Variants in OLFM3 observed in about 807,000 individuals in gnomAD.
OLFM3 encodes olfactomedin 3, also known as noelin-3.
In OLFM3, 20 loss-of-function variants were observed where a neutral mutation model predicts 48.6. The ratio of observed to expected loss-of-function variants is 0.41; its 90% CI spans 0.29 to 0.60. The LOEUF is 0.60. OLFM3 is among the 20% of genes least tolerant of loss of function. The pLI is 0.28. For missense variants in OLFM3, 437 were observed against 544.3 expected, an observed-to-expected ratio of 0.80 and a Z score of 1.96; for synonymous variants, 222 against 198.1, an observed-to-expected ratio of 1.12 and a Z score of -1.01.
chr1:101,968,580 C>T (rs1479715307), intron 1 of OLFM3, among the ~76,000 whole-genome samples: 1 of 149,296 alleles, frequency 6.7e-6, no homozygotes, highest in African/African-American at 2.5e-5. Context: ...TCATGTATCC[C>T]ACAAGTATTC....
chr1:101,808,043 T>A (rs1025386014), intron 4 of OLFM3, among the ~76,000 whole-genome samples: 4 of 151,846 alleles, frequency 2.6e-5, no homozygotes, highest in African/African-American at 9.7e-5. Context: ...ATACATTTTT[T>A]AATCAACTGA....
At chr1:101,818,632 G>T (rs947398949) in intron 4 of OLFM3, among the ~76,000 whole-genome samples, 1 of 151,944 alleles carries the variant, frequency 6.6e-6, no homozygotes, top group African/African-American at 2.4e-5. Context: ...GAGATCTTTC[G>T]TGTCTCTTGC....
intron 1 of OLFM3, among the ~76,000 whole-genome samples, chr1:101,948,511 T>C (rs1243692124): frequency 6.6e-6 from 1 of 151,912 alleles, no homozygotes; most frequent in Non-Finnish European, 1.5e-5. Context: ...GTTTAGGTAA[T>C]TTTTTTTGCC....
intron 1 of OLFM3, among the ~76,000 whole-genome samples, chr1:101,976,325 T>C (rs1209551777): frequency 6.6e-6 from 1 of 152,216 alleles, no homozygotes; most frequent in African/African-American, 2.4e-5. Context: ...TGTATCCAGG[T>C]AGACTGTAGT....
intron 1 of OLFM3, 129 bp from the exon 2 acceptor site, chr1:101,837,154 G>A (rs1655463521): frequency 1.1e-6 from 1 of 921,232 alleles, no homozygotes; most frequent in African/African-American, 1.7e-5. Flanking sequence ...TTTAAAGTTA[G>A]CAGAGAGATA....
rs779620624 is a variant in OLFM3, at chr1:101,836,891, T to G, written c.204A>C (p.Gln68His). Reference sequence around the variant, plus strand: ...ACAGGACACCTACCTTTTCCAGTAGTTGGCGAAGTTGCCTGCTTTTGGCAT... The same window carrying G: ...ACAGGACACCTACCTTTTCCAGTAGGTGGCGAAGTTGCCTGCTTTTGGCAT... The part of the protein sequence containing the change: ...SRDAKSRQLR[Q>H]LLEKVQNMSQ... Residue 68 changes from glutamine (Q) to histidine (H), a missense_variant, in exon 2 of 6, where the codon CAA (glutamine) becomes CAC (histidine). Physicochemically the swap from Gln to His is conservative, Grantham distance 24. Around this residue, in one of 3 missense-constraint regions of OLFM3, gnomAD observed 314 missense variants for 365.5 expected, o/e 0.86. Coordinates refer to ENST00000370103, the MANE Select transcript of OLFM3 (RefSeq NM_058170.4). 6 of 1,614,190 alleles carry G rather than the reference T, an allele frequency of 3.7e-6. No individual in the cohort carries two copies. Among genetic ancestry groups the G allele is most frequent in the Non-Finnish European group, 5.1e-6 (6 of 1,180,024 alleles).
chr1:101,896,681 T>A (rs1321957664), intron 1 of OLFM3, among the ~76,000 whole-genome samples: 1 of 147,118 alleles, frequency 6.8e-6, no homozygotes, highest in Non-Finnish European at 1.5e-5. Flanking sequence ...TTTTTTTTTT[T>A]TTTTTTTTTT....
Position 101,964,682 on chromosome 1 carries a change from C to T in OLFM3, c.69+32066G>A, listed in dbSNP as rs775532875. ...ACCTCACAATCATGAAGAAAGGGAC[C>T]TGGGAATTTTGTTCTTCACTCCTTG... On this transcript the variant is annotated intron_variant, in intron 1 of 5. Coordinates refer to ENST00000370103, the MANE Select transcript of OLFM3 (RefSeq NM_058170.4). Among the ~76,000 whole-genome samples the T allele has an allele frequency of 2.0e-5, 3 of 152,116 alleles. No homozygotes were observed. In the South Asian group the frequency reaches 6.2e-4, roughly 32 times the overall value.
chr1:101,946,029 T>C (rs942776113), intron 1 of OLFM3, among the ~76,000 whole-genome samples: 1 of 152,366 alleles, frequency 6.6e-6, no homozygotes, highest in African/African-American at 2.4e-5. Context: ...ATGCTGTTAC[T>C]GAGACTATCA....
At position 101,902,754 on chromosome 1, in the gene OLFM3, C is replaced by T. The variant is rs543454832; in HGVS notation, c.70-65729G>A. On this transcript the variant is annotated intron_variant, in intron 1 of 5. Coordinates refer to ENST00000370103, the MANE Select transcript of OLFM3 (RefSeq NM_058170.4). ...TCCAGGAACTGTGCTTAACAGCGTACGTATACTATCTCATTTAATCTTTCC... is the reference window on the plus strand; with the variant it reads ...TCCAGGAACTGTGCTTAACAGCGTATGTATACTATCTCATTTAATCTTTCC... Among the ~76,000 whole-genome samples the T allele has an allele frequency of 3.2e-4, 48 of 152,194 alleles. 1 individual carries two copies. The Middle Eastern group carries it at 0.01, about 32-fold the overall frequency.
chr1:101,841,532 A>G (rs1655721101), intron 1 of OLFM3, among the ~76,000 whole-genome samples: 1 of 152,204 alleles, frequency 6.6e-6, no homozygotes, highest in African/African-American at 2.4e-5. Context: ...TGATGAGAAG[A>G]GATGCACCCA....
intron 1 of OLFM3, among the ~76,000 whole-genome samples, chr1:101,850,396 A>G (rs1371773312): frequency 6.6e-6 from 1 of 152,172 alleles, no homozygotes; most frequent in Non-Finnish European, 1.5e-5. Context: ...TTATATAGTA[A>G]ATAATAAATA....
intron 3 of OLFM3, among the ~76,000 whole-genome samples, chr1:101,828,743 CCAAA>C (rs1021735556): frequency 2.0e-5 from 3 of 152,144 alleles, no homozygotes; most frequent in African/African-American, 4.8e-5. Context: ...TCCATCTACG[CCAAA>C]CAGTCTGAAC....
intron 4 of OLFM3, among the ~76,000 whole-genome samples, chr1:101,823,043 G>T (rs1251734599): frequency 6.6e-6 from 1 of 152,006 alleles, no homozygotes; most frequent in Non-Finnish European, 1.5e-5. Context: ...TAATATGGTT[G>T]AAAAGTGTAG....
At chr1:101,935,476 G>A (rs2101053144) in intron 1 of OLFM3, among the ~76,000 whole-genome samples, 1 of 152,074 alleles carries the variant, frequency 6.6e-6, no homozygotes, top group Non-Finnish European at 1.5e-5. Context: ...AATTGAATCA[G>A]TAATAAAAAG....
intron 3 of OLFM3, among the ~76,000 whole-genome samples, chr1:101,827,661 G>A (rs1654926891): frequency 6.6e-6 from 1 of 152,050 alleles, no homozygotes. Flanking sequence ...AATATATGTT[G>A]AGCACCTAAT....
chr1:101,873,930 A>G (rs1657190486), intron 1 of OLFM3, among the ~76,000 whole-genome samples: 1 of 151,934 alleles, frequency 6.6e-6, no homozygotes, highest in Non-Finnish European at 1.5e-5. Context: ...ATTTATTAAA[A>G]TAATTAATCT....
At chr1:101,852,533 A>T (rs112072346) in intron 1 of OLFM3, among the ~76,000 whole-genome samples, 208 of 152,096 alleles carry the variant, frequency 1.4e-3, no homozygotes, top group African/African-American at 4.4e-3. Context: ...TATGCTAATG[A>T]TTCCCAAATT....
chr1:101,971,278 G>A (rs918034184), intron 1 of OLFM3, among the ~76,000 whole-genome samples: 1 of 152,166 alleles, frequency 6.6e-6, no homozygotes, highest in Non-Finnish European at 1.5e-5. Context: ...GTGCAGACAC[G>A]GGGATTGGTG....
Sources: allele counts gnomAD v4.1 joint callset (sites outside exome capture counted in the v4.1 genomes callset), GRCh38; gene constraint gnomAD v4.1.1; regional missense constraint gnomAD v4.1.1; transcripts MANE v1.5; gene names NCBI Gene and HGNC (gene_info 2026-07-23, HGNC 2026-07-21).